Variants in ARFIP2 observed in about 807,000 individuals in gnomAD.
ARFIP2 encodes the protein arfaptin-2.
In ARFIP2, 14 loss-of-function variants were observed where a neutral mutation model predicts 39.2. The ratio of observed to expected loss-of-function variants is 0.36; its 90% CI spans 0.24 to 0.56. The LOEUF (loss-of-function observed/expected upper bound fraction) is 0.56, where lower values mean the gene tolerates loss of function less well. ARFIP2 is among the 20% of genes least tolerant of loss of function. The pLI, the probability that ARFIP2 is intolerant of heterozygous loss-of-function variation, is 0.85. For synonymous variants in ARFIP2, 167 were observed against 172.4 expected (o/e 0.97, Z 0.24); for missense variants, 305 against 422.5 (o/e 0.72, Z 2.44).
chr11:6,478,558 CT>C lies in ARFIP2; in HGVS notation c.537+179del. On this transcript the variant is annotated intron_variant, in intron 5 of 7. Transcript: ENST00000396777. The surrounding 1 kb of genome is among the most constrained non-coding windows in gnomAD (Gnocchi z 4.8). ...GTGCCCCCTCCCCCACCCCCTCCAACTTCTGGACCTCTGTACAAACCCTTAG... is the reference window on the plus strand; with the variant it reads ...GTGCCCCCTCCCCCACCCCCTCCAACTCTGGACCTCTGTACAAACCCTTAG... 8 of 1,429,088 alleles carry C rather than the reference CT, an allele frequency of 5.6e-6. No individual in the cohort carries two copies. Among genetic ancestry groups the C allele is most frequent in the Non-Finnish European group, 6.4e-6 (7 of 1,092,800 alleles). The allele number at this position is 1,429,088 out of a possible 1,614,324, so 88.5% of individuals were successfully genotyped here. A position where few individuals can be genotyped will look rare whatever the true frequency, so the allele number is the denominator to read the frequency against.
chr11:6,480,071 A>G lies in ARFIP2; in HGVS notation c.100-3T>C. ...GACACCATCACCTGCTGGAGGTCCT[A>G]TAGGCCAGAGAAGAGGGGTTGCTTC... On this transcript the variant is annotated splice_polypyrimidine_tract_variant and splice_region_variant and intron_variant, in intron 2 of 7. Coordinates refer to ENST00000396777, the MANE Select transcript of ARFIP2 (RefSeq NM_001376558.2). 6.2e-7 allele frequency: 1 copy of G among 1,612,962 alleles called. No individual in the cohort carries two copies. Among genetic ancestry groups the G allele is most frequent in the South Asian group, 1.1e-5 (1 of 90,968 alleles).
intron 3 of ARFIP2, chr11:6,479,474 G>T: frequency 3.6e-6 from 3 of 838,126 alleles, no homozygotes; most frequent in Non-Finnish European, 5.5e-6. Flanking sequence ...TAGAGGAGGG[G>T]TTTGCAGGGA....
At chr11:6,479,351 G>A (rs777821545) in intron 3 of ARFIP2, 93 bp from the exon 4 acceptor site, 1 of 1,607,238 alleles carries the variant, frequency 6.2e-7, no homozygotes, top group East Asian at 2.2e-5. Flanking sequence ...ACATGAAATT[G>A]ACTTCCCTGA....
rs757495581 is a variant in ARFIP2 at position 6,479,898 on chromosome 11, G to C, written c.196+74C>G. Reference sequence around the variant, plus strand: ...TCCAGACATAATTCAAGCTTTCCTAGACATATCCTATGCTTCCCCAAACCA... The same window carrying C: ...TCCAGACATAATTCAAGCTTTCCTACACATATCCTATGCTTCCCCAAACCA... On this transcript the variant is annotated intron_variant, in intron 3 of 7. Coordinates refer to ENST00000396777, the MANE Select transcript of ARFIP2 (RefSeq NM_001376558.2). 5.0e-6 allele frequency: 7 copies of C among 1,413,674 alleles called. No individual in the cohort carries two copies. In the African/African-American group the frequency reaches 9.9e-5, roughly 20 times the overall value. 87.6% of individuals were successfully genotyped at this position (1,413,674 alleles called of 1,614,324 possible). A position where few individuals can be genotyped will look rare whatever the true frequency, so the allele number is the denominator to read the frequency against.
chr11:6,479,581 G>A lies in ARFIP2; in HGVS notation c.197-323C>T, dbSNP rs1589853778. 6 of 576,712 alleles carry A rather than the reference G, an allele frequency of 1.0e-5. No individual in the cohort carries two copies. In the East Asian group the frequency reaches 1.7e-4, roughly 16 times the overall value. The allele number at this position is 576,712 out of a possible 1,614,324, so 35.7% of individuals were successfully genotyped here. ...GGTGGGTCATGATAACAAGAAACCT[G>A]GTTGCATTCCCATGTGGAATCTTAG... is the stretch of plus-strand genomic sequence containing the variant. On this transcript the variant is annotated intron_variant, in intron 3 of 7. Transcript: ENST00000396777.
At chr11:6,479,386 G>C in intron 3 of ARFIP2, 128 bp from the exon 4 acceptor site, 1 of 1,588,434 alleles carries the variant, frequency 6.3e-7, no homozygotes, top group Non-Finnish European at 8.5e-7. Context: ...ACAACTGGAT[G>C]CTCCTGCTTA....
In ARFIP2 at chr11:6,481,239, G is replaced by A. The variant is rs1231222040; in HGVS notation, c.-51C>T. The A allele has an allele frequency of 5.1e-6, 3 of 585,688 alleles. No homozygotes were observed. Among genetic ancestry groups the A allele is most frequent in the Non-Finnish European group, 6.1e-6 (2 of 330,474 alleles). 36.3% of individuals were successfully genotyped at this position (585,688 alleles called of 1,614,324 possible). A position where few individuals can be genotyped will look rare whatever the true frequency, so the allele number is the denominator to read the frequency against. ...AAGCATGTTCCTCTCACCTCGGGCC[G>A]GGCCGCTCTTCCCCTCAGGGCGCCA... is the stretch of plus-strand genomic sequence containing the variant. On this transcript the variant is annotated 5_prime_UTR_variant, in exon 1 of 8. Coordinates refer to ENST00000396777, the MANE Select transcript of ARFIP2 (RefSeq NM_001376558.2).
At position 6,479,537 on chromosome 11, in the gene ARFIP2, G is replaced by A. The variant is rs550282712; in HGVS notation, c.197-279C>T. 1.5e-4 allele frequency: 91 copies of A among 603,494 alleles called. 3 individuals carry two copies. Among genetic ancestry groups the A allele is most frequent in the Non-Finnish European group, 1.1e-4 (38 of 343,780 alleles). The allele number at this position is 603,494 out of a possible 1,614,324, so 37.4% of individuals were successfully genotyped here. ...CAGAAGAAAATACACTGAGTTTGGG[G>A]GCAGCAGGAGTCAAGGATGGTGGGT... On this transcript the variant is annotated intron_variant, in intron 3 of 7. Coordinates refer to ENST00000396777, the MANE Select transcript of ARFIP2 (RefSeq NM_001376558.2).
chr11:6,479,700 G>C (rs904758335), intron 3 of ARFIP2: 6 of 549,302 alleles, frequency 1.1e-5, no homozygotes, highest in African/African-American at 5.7e-5. Flanking sequence ...AGCTGTAGAG[G>C]GGGGGCATTC....
In ARFIP2 at chr11:6,478,209, AAGGG is replaced by A. The variant is rs1356259743; in HGVS notation, c.538-15_538-12del. 6.2e-6 allele frequency: 10 copies of A among 1,613,822 alleles called. No homozygotes were observed. Among genetic ancestry groups the A allele is most frequent in the Non-Finnish European group, 8.5e-6 (10 of 1,179,934 alleles). On this transcript the variant is annotated splice_polypyrimidine_tract_variant and intron_variant, in intron 5 of 7. Coordinates refer to ENST00000396777, the MANE Select transcript of ARFIP2 (RefSeq NM_001376558.2). The surrounding 1 kb of genome is among the most constrained non-coding windows in gnomAD (Gnocchi z 4.8). Reference sequence around the variant, plus strand: ...GTAGCCAAATTCCTCCTGAGGGCAGAAGGGAGGAACAGACCTTGAATAACACTCC... The same window carrying A: ...GTAGCCAAATTCCTCCTGAGGGCAGAAGGAACAGACCTTGAATAACACTCC...
At chr11:6,480,280 G>C in intron 2 of ARFIP2, 43 bp downstream of exon 2, 1 of 1,571,658 alleles carries the variant, frequency 6.4e-7, no homozygotes, top group East Asian at 2.3e-5. Flanking sequence ...TTTATAAATT[G>C]GATTCCTAAA....
In ARFIP2 at chr11:6,479,225, G is replaced by A. The variant is rs1289044914; in HGVS notation, c.230C>T (p.Pro77Leu). The change falls in exon 4 of 8, where the codon CCT (proline) becomes CTT (leucine). Residue 77 changes from proline to leucine, a missense_variant. Around this residue, in one of 3 missense-constraint regions of ARFIP2, gnomAD observed 151 missense variants for 203.1 expected, o/e 0.74. Transcript: ENST00000396777. ...SGRHPSHSTT[P>L]SGPGDEVARG... ...AGCCACCTCATCTCCAGGGCCAGAAGGAGTGGTGCTGTGAGATGGATGGCG... is the reference window on the plus strand; with the variant it reads ...AGCCACCTCATCTCCAGGGCCAGAAAGAGTGGTGCTGTGAGATGGATGGCG... The A allele has an allele frequency of 6.2e-7, 1 of 1,614,174 alleles. No individual in the cohort carries two copies. Among genetic ancestry groups the A allele is most frequent in the South Asian group, 1.1e-5 (1 of 91,080 alleles).
rs112715185 is a variant in ARFIP2 at position 6,477,717 on chromosome 11, C to A, written c.870+1G>T. The A allele has an allele frequency of 6.2e-7, 1 of 1,613,660 alleles. No homozygotes were observed. ...TAGGGTCAAGGGGGTGGGGTTGGCACCTTGTTTTCTTCCAGGAACTTGAGC... is the reference window on the plus strand; with the variant it reads ...TAGGGTCAAGGGGGTGGGGTTGGCAACTTGTTTTCTTCCAGGAACTTGAGC... On this transcript the variant is annotated splice_donor_variant, in intron 7 of 7. Transcript: ENST00000396777. LOFTEE classifies it high-confidence loss of function. This position sits in a 1 kb window ranked among gnomAD's most constrained non-coding sequence, Gnocchi z 4.8.
intron 1 of ARFIP2, 91 bp downstream of exon 1, chr11:6,481,140 T>C: frequency 2.5e-6 from 1 of 405,020 alleles, no homozygotes; most frequent in Non-Finnish European, 4.5e-6. Flanking sequence ...ACATCAGGTG[T>C]GTCCTCATCC....
Position 6,477,145 on chromosome 11 carries a change from C to A in ARFIP2, c.994G>T (p.Ala332Ser), listed in dbSNP as rs1851157401. Reference sequence around the variant, plus strand: ...TCCTCTAGCCAGGAGGGTTTCTCAGCTCCTGGAGGCCGCAGCTTGATGTTG... The same window carrying A: ...TCCTCTAGCCAGGAGGGTTTCTCAGATCCTGGAGGCCGCAGCTTGATGTTG... The part of the protein sequence containing the change: ...QFNIKLRPPG[A>S]EKPSWLEEQ The change falls in exon 8 of 8, where the codon GCT becomes TCT. Residue 332 changes from alanine (A) to serine (S), a missense_variant. By Grantham distance (99) the Ala-to-Ser change is moderately conservative (BLOSUM62 1). Transcript: ENST00000396777. The surrounding 1 kb of genome is among the most constrained non-coding windows in gnomAD (Gnocchi z 4.8). 6.2e-7 allele frequency: 1 copy of A among 1,611,522 alleles called. No homozygotes were observed. The highest frequency in any genetic ancestry group is 8.5e-7 in the Non-Finnish European group (1 of 1,178,650).
Position 6,476,968 on chromosome 11 carries a change from G to T in ARFIP2, c.*145C>A. 1 of 965,432 alleles carries T rather than the reference G, an allele frequency of 1.0e-6. No individual in the cohort carries two copies. The highest frequency in any genetic ancestry group is 1.5e-6 in the Non-Finnish European group (1 of 671,548). 59.8% of individuals were successfully genotyped at this position (965,432 alleles called of 1,614,324 possible). On this transcript the variant is annotated 3_prime_UTR_variant, in exon 8 of 8. Coordinates refer to ENST00000396777, the MANE Select transcript of ARFIP2 (RefSeq NM_001376558.2). ...GCCCTCTTCCCACCATAGCAATGTG[G>T]GCAAAACTGGTGTCAGGCCCCAGCC... is the stretch of plus-strand genomic sequence containing the variant.
intron 3 of ARFIP2, chr11:6,479,702 G>T: frequency 1.8e-6 from 1 of 549,338 alleles, no homozygotes; most frequent in East Asian, 3.1e-5. Flanking sequence ...CTGTAGAGGG[G>T]GGGCATTCCT....
At chr11:6,479,877 G>T in intron 3 of ARFIP2, 95 bp downstream of exon 3, 1 of 1,250,674 alleles carries the variant, frequency 8.0e-7, no homozygotes, top group Non-Finnish European at 1.2e-6. Flanking sequence ...AAGATCTCCA[G>T]ACATAATTCA....
In ARFIP2 at chr11:6,480,318, A is replaced by G; in HGVS notation, c.99+5T>C. ...GAAACAATTAGAAGAATCAAACAGA[A>G]GCACCTGCTCCAGCCCATCATCTTC... On this transcript the variant is annotated splice_donor_5th_base_variant and intron_variant, in intron 2 of 7. Transcript: ENST00000396777. 2 of 1,611,916 alleles carry G rather than the reference A, an allele frequency of 1.2e-6. No individual in the cohort carries two copies. The highest frequency in any genetic ancestry group is 1.7e-6 in the Non-Finnish European group (2 of 1,178,978).
Sources: allele counts gnomAD v4.1 joint callset, GRCh38; gene constraint gnomAD v4.1.1; regional missense constraint gnomAD v4.1.1; non-coding constraint Gnocchi (gnomAD v3.1); transcripts MANE v1.5; gene names NCBI Gene and HGNC (gene_info 2026-07-23, HGNC 2026-07-21).